The following RBFOX1 variants were observed in gnomAD, a reference collection of about 807,000 sequenced individuals.
RBFOX1 encodes the protein RNA binding protein fox-1 homolog 1.
A neutral mutation model predicts 57.7 loss-of-function variants in RBFOX1; 8 were observed. The ratio of observed to expected loss-of-function variants is 0.14; its 90% confidence interval spans 0.08 to 0.25. The LOEUF (loss-of-function observed/expected upper bound fraction) is 0.25, where lower values mean the gene tolerates loss of function less well. RBFOX1 is among the 10% of genes least tolerant of loss of function. The pLI is 1.00. For synonymous variants in RBFOX1, 326 were observed against 222.4 expected (o/e 1.47, Z -4.15); for missense variants, 611 against 548.5 (o/e 1.11, Z -1.14).
chr16:6,649,841 G>T (rs1362496210), intron 2 of RBFOX1, among the ~76,000 whole-genome samples: 2 of 152,054 alleles, frequency 1.3e-5, no homozygotes, highest in Non-Finnish European at 2.9e-5. Flanking sequence ...TATATGTATA[G>T]TATATTATAT....
intron 3 of RBFOX1, among the ~76,000 whole-genome samples, chr16:6,899,075 CAT>C (rs978637408): frequency 7.3e-4 from 99 of 135,274 alleles, no homozygotes; most frequent in African/African-American, 3.1e-3. Flanking sequence ...GTATTACACA[CAT>C]GTACACGTGT....
At chr16:5,593,980 A>C in intron 2 of RBFOX1, among the ~76,000 whole-genome samples, 1 of 151,230 alleles carries the variant, frequency 6.6e-6, no homozygotes, top group African/African-American at 2.4e-5. Context: ...GTGATACACC[A>C]CCCCCATCCT....
intron 3 of RBFOX1, among the ~76,000 whole-genome samples, chr16:6,940,683 C>T (rs906757854): frequency 7.9e-5 from 12 of 152,078 alleles, no homozygotes; most frequent in East Asian, 1.9e-4. Context: ...CTGCAAGCTC[C>T]GCCTCCCGGG....
At chr16:6,670,033 A>G (rs7200163) in intron 3 of RBFOX1, among the ~76,000 whole-genome samples, 25,033 of 152,154 alleles carry the variant, frequency 0.16, 2,286 homozygotes, top group Non-Finnish European at 0.2. Context: ...GTCTATCTCT[A>G]TATATTGAGA....
chr16:7,156,247 T>C (rs779225961), intron 4 of RBFOX1, among the ~76,000 whole-genome samples: 7 of 147,680 alleles, frequency 4.7e-5, no homozygotes, highest in Non-Finnish European at 7.5e-5. Context: ...CACATATATA[T>C]GTATACATAT....
intron 3 of RBFOX1, among the ~76,000 whole-genome samples, chr16:6,826,301 C>T (rs181411289): frequency 2.0e-5 from 3 of 152,188 alleles, no homozygotes; most frequent in African/African-American, 4.8e-5. Context: ...TCGTTTGAGT[C>T]CAGGAGTTCA....
intron 2 of RBFOX1, among the ~76,000 whole-genome samples, chr16:6,469,172 A>T (rs148969648): frequency 1.3e-3 from 196 of 152,344 alleles, no homozygotes; most frequent in African/African-American, 4.7e-3. Context: ...TCCTGGTAGA[A>T]AAGAAAATAG....
chr16:5,485,345 CAAAAAAAAA>C (rs71142624), intron 2 of RBFOX1, among the ~76,000 whole-genome samples: 4 of 51,668 alleles, frequency 7.7e-5, no homozygotes, highest in Non-Finnish European at 1.4e-4. Flanking sequence ...GACTCCGTGT[CAAAAAAAAA>C]AAAAAAAAAA....
chr16:7,292,452 ATGTAT>A (rs1395264598), intron 4 of RBFOX1, among the ~76,000 whole-genome samples: 1 of 138,544 alleles, frequency 7.2e-6, no homozygotes, highest in Non-Finnish European at 1.5e-5. Flanking sequence ...ATAATATGTA[ATGTAT>A]TATATATAAT....
At chr16:5,776,729 A>T (rs7342750) in intron 3 of RBFOX1, among the ~76,000 whole-genome samples, 5,553 of 152,246 alleles carry the variant, frequency 0.036, 313 homozygotes, top group African/African-American at 0.12. Flanking sequence ...TCTGCCTCCA[A>T]CACCCACAGT....
At chr16:6,804,953 A>G (rs1481922618) in intron 3 of RBFOX1, among the ~76,000 whole-genome samples, 1 of 152,218 alleles carries the variant, frequency 6.6e-6, no homozygotes, top group Non-Finnish European at 1.5e-5. Flanking sequence ...CGGAGTGTAA[A>G]TTAGTTCATT....
rs555594013 is a variant in RBFOX1 at position 7,162,902 on chromosome 16, G to T, written c.27+110804G>T. Among the ~76,000 whole-genome samples the T allele has an allele frequency of 9.7e-4, 147 of 152,304 alleles. 1 individual carries two copies. The highest frequency in any genetic ancestry group is 1.6e-3 in the Admixed American group (24 of 15,306). On this transcript the variant is annotated intron_variant, in intron 4 of 15. Coordinates refer to ENST00000550418, the MANE Select transcript of RBFOX1 (RefSeq NM_018723.4). ...TCCCTGGTCCTCCTTCCAAATGCATGTTGAAATGAAGACATGTGGGTTTTC... is the reference window on the plus strand; with the variant it reads ...TCCCTGGTCCTCCTTCCAAATGCATTTTGAAATGAAGACATGTGGGTTTTC...
chr16:7,416,970 C>T (rs1385251056), intron 4 of RBFOX1, among the ~76,000 whole-genome samples: 1 of 152,114 alleles, frequency 6.6e-6, no homozygotes, highest in Non-Finnish European at 1.5e-5. Context: ...TCATAGCTGG[C>T]AGGTAGGAGC....
chr16:5,274,343 A>G (rs2063089318), intron 1 of RBFOX1, among the ~76,000 whole-genome samples: 1 of 152,146 alleles, frequency 6.6e-6, no homozygotes, highest in Non-Finnish European at 1.5e-5. Flanking sequence ...AGCCTGGCCA[A>G]CATGGTGAAA....
intron 4 of RBFOX1, among the ~76,000 whole-genome samples, chr16:5,879,323 A>G (rs964973901): frequency 3.3e-5 from 5 of 152,170 alleles, no homozygotes; most frequent in Admixed American, 1.3e-4. Flanking sequence ...TCGTATTTGG[A>G]CTAGGTTCTT....
intron 4 of RBFOX1, among the ~76,000 whole-genome samples, chr16:7,459,616 A>T (rs1466657396): frequency 6.6e-6 from 1 of 152,192 alleles, no homozygotes; most frequent in African/African-American, 2.4e-5. Context: ...GCGGGGGGAC[A>T]GTTCTAGTTT....
intron 4 of RBFOX1, among the ~76,000 whole-genome samples, chr16:7,077,779 C>G (rs2058535971): frequency 6.6e-6 from 1 of 152,178 alleles, no homozygotes; most frequent in Non-Finnish European, 1.5e-5. Context: ...TTCCCTTGAA[C>G]TGATACTTAA....
At chr16:5,902,789 C>A (rs947168107) in intron 4 of RBFOX1, among the ~76,000 whole-genome samples, 3 of 152,044 alleles carry the variant, frequency 2.0e-5, no homozygotes, top group Admixed American at 2.0e-4. Flanking sequence ...TGATTCCAAG[C>A]GCCTTGTCTG....
At chr16:5,309,997 C>A (rs528097143) in intron 1 of RBFOX1, among the ~76,000 whole-genome samples, 25 of 152,310 alleles carry the variant, frequency 1.6e-4, no homozygotes, top group African/African-American at 5.5e-4. Flanking sequence ...TGACAGGGAG[C>A]CTGAAAACCT....
Sources: gnomAD v4.1 joint callset for allele counts (sites outside exome capture counted in the v4.1 genomes callset) on GRCh38, gnomAD v4.1.1 for gene constraint, MANE v1.5 for transcripts, NCBI Gene and HGNC (gene_info 2026-07-23, HGNC 2026-07-21) for gene names.